The following IL1RAPL2 variants were observed in gnomAD, a reference collection of about 807,000 sequenced individuals.
IL1RAPL2 encodes the protein interleukin 1 receptor accessory protein like 2.
A neutral mutation model predicts 44.1 loss-of-function variants in IL1RAPL2; 3 were observed. That is an observed-to-expected ratio of 0.07 (90% CI 0.03 to 0.18). The LOEUF (loss-of-function observed/expected upper bound fraction) is 0.18, where lower values mean the gene tolerates loss of function less well. IL1RAPL2 is among the 10% of genes least tolerant of loss of function. The probability of loss-of-function intolerance (pLI) is 1.00; values close to 1 mark genes in which losing one functional copy is unlikely to be tolerated. For missense variants in IL1RAPL2, 391 were observed against 496.4 expected (o/e 0.79, Z 2.02); for synonymous variants, 181 against 178.8 (o/e 1.01, Z -0.10).
chrX:105,633,520 G>C (rs2037504736), intron 6 of IL1RAPL2, among the ~76,000 whole-genome samples: 1 of 111,336 alleles, frequency 9.0e-6, no homozygotes, highest in African/African-American at 3.3e-5. Context: ...AACACTAATA[G>C]TTCTGTTATT....
At chrX:104,661,602 C>T (rs1361529876) in intron 2 of IL1RAPL2, among the ~76,000 whole-genome samples, 4 of 109,922 alleles carry the variant, frequency 3.6e-5, no homozygotes, top group African/African-American at 1.3e-4. Context: ...CAGCCCTATA[C>T]CTCTGTTAAT....
At chrX:105,752,425 C>T (rs928250526) in intron 9 of IL1RAPL2, among the ~76,000 whole-genome samples, 2 of 112,059 alleles carry the variant, frequency 1.8e-5, no homozygotes, top group African/African-American at 3.2e-5. Flanking sequence ...TTCTACAAAA[C>T]GTTTCGTTAT....
chrX:105,290,085 A>G (rs776209092), intron 5 of IL1RAPL2, among the ~76,000 whole-genome samples: 1 of 111,447 alleles, frequency 9.0e-6, no homozygotes, highest in East Asian at 2.8e-4. Context: ...CAGGATCTTG[A>G]TCTGACAGGA....
At chrX:104,611,703 G>A (rs980490493) in intron 1 of IL1RAPL2, among the ~76,000 whole-genome samples, 9 of 109,565 alleles carry the variant, frequency 8.2e-5, no homozygotes, top group Middle Eastern at 4.7e-3. Context: ...CAGGCATGAT[G>A]GCAGGCGCCT....
chrX:104,854,489 C>G (rs1922307076), intron 2 of IL1RAPL2, among the ~76,000 whole-genome samples: 1 of 111,618 alleles, frequency 9.0e-6, no homozygotes, highest in African/African-American at 3.3e-5. Flanking sequence ...TTTGAGAAAG[C>G]ATTCAGAGAA....
At chrX:105,314,550 A>G (rs188881191) in intron 5 of IL1RAPL2, among the ~76,000 whole-genome samples, 85 of 111,899 alleles carry the variant, frequency 7.6e-4, no homozygotes, top group African/African-American at 2.7e-3. Context: ...TTACTATATC[A>G]TTCTCCATTT....
intron 2 of IL1RAPL2, among the ~76,000 whole-genome samples, chrX:105,031,416 C>T (rs1286374341): frequency 9.0e-6 from 1 of 111,341 alleles, no homozygotes; most frequent in East Asian, 2.8e-4. Context: ...GAGATATGTT[C>T]CATCAATACC....
chrX:105,083,813 A>C (rs1461650554), intron 2 of IL1RAPL2, among the ~76,000 whole-genome samples: 2 of 112,391 alleles, frequency 1.8e-5, no homozygotes, highest in Admixed American at 9.5e-5. Flanking sequence ...CTCCTGAAGG[A>C]AGCACTAAAC....
At chrX:104,964,332 G>A (rs1365524595) in intron 2 of IL1RAPL2, among the ~76,000 whole-genome samples, 1 of 107,345 alleles carries the variant, frequency 9.3e-6, no homozygotes, top group Non-Finnish European at 1.9e-5. Context: ...TTTATTTTGA[G>A]ATGGAGTCTC....
intron 5 of IL1RAPL2, among the ~76,000 whole-genome samples, chrX:105,358,581 T>G (rs1261270431): frequency 1.9e-5 from 2 of 104,782 alleles, no homozygotes; most frequent in African/African-American, 3.5e-5. Context: ...GACGATGAGG[T>G]GGAAGGACTG....
chrX:104,571,465 G>A (rs1263408963), intron 1 of IL1RAPL2, among the ~76,000 whole-genome samples: 1 of 111,516 alleles, frequency 9.0e-6, no homozygotes, highest in Non-Finnish European at 1.9e-5. Context: ...GGGGCCAGGT[G>A]GAGATAATTG....
intron 5 of IL1RAPL2, among the ~76,000 whole-genome samples, chrX:105,453,094 C>A (rs1452350822): frequency 8.9e-6 from 1 of 111,830 alleles, no homozygotes. Flanking sequence ...ACCCTACCTC[C>A]ACTGGGAAGT....
At chrX:105,582,573 A>G (rs2037096339) in intron 6 of IL1RAPL2, among the ~76,000 whole-genome samples, 1 of 110,995 alleles carries the variant, frequency 9.0e-6, no homozygotes, top group African/African-American at 3.3e-5. Context: ...ATGCTACTGA[A>G]AATATCATTT....
At chrX:105,574,317 G>A (rs2037035445) in intron 6 of IL1RAPL2, among the ~76,000 whole-genome samples, 2 of 111,228 alleles carry the variant, frequency 1.8e-5, no homozygotes, top group South Asian at 7.7e-4. Context: ...CTTGAGGATA[G>A]GAAAGAATTG....
intron 2 of IL1RAPL2, among the ~76,000 whole-genome samples, chrX:104,916,803 C>T (rs71300349): frequency 1.8e-5 from 2 of 111,199 alleles, no homozygotes; most frequent in Admixed American, 9.6e-5. Context: ...TGTCAAAGGC[C>T]TTTTCTGCAT....
At chrX:105,680,160 C>T (rs1263036983) in intron 6 of IL1RAPL2, among the ~76,000 whole-genome samples, 2 of 111,302 alleles carry the variant, frequency 1.8e-5, no homozygotes, top group Non-Finnish European at 3.8e-5. Context: ...CCACCATGCC[C>T]GGCTAACTTT....
chrX:104,668,126 T>C (rs757297226), intron 2 of IL1RAPL2, among the ~76,000 whole-genome samples: 1 of 110,941 alleles, frequency 9.0e-6, no homozygotes, highest in African/African-American at 3.3e-5. Context: ...AAGATTCAGG[T>C]AGTTAGGAAA....
intron 6 of IL1RAPL2, among the ~76,000 whole-genome samples, chrX:105,506,726 G>T (rs991494908): frequency 2.7e-5 from 3 of 111,756 alleles, no homozygotes; most frequent in Non-Finnish European, 5.7e-5. Flanking sequence ...GAAAGGAGAC[G>T]GAGATTATAA....
intron 5 of IL1RAPL2, among the ~76,000 whole-genome samples, chrX:105,396,216 G>A (rs776238512): frequency 2.7e-5 from 3 of 109,757 alleles, no homozygotes; most frequent in Non-Finnish European, 3.8e-5. Flanking sequence ...GTTACCATTC[G>A]GATGCACAGG....
Sources: gnomAD v4.1 joint callset for allele counts (sites outside exome capture counted in the v4.1 genomes callset) on GRCh38, gnomAD v4.1.1 for gene constraint, MANE v1.5 for transcripts, NCBI Gene and HGNC (gene_info 2026-07-23, HGNC 2026-07-21) for gene names.